TIAM1: variants seen among roughly 807,000 people sequenced by gnomAD.
The protein encoded by TIAM1 is rho guanine nucleotide exchange factor TIAM1.
Under a neutral mutation model 163.5 loss-of-function variants are expected in TIAM1, and 65 were observed. The ratio of observed to expected loss-of-function variants is 0.40; its 90% confidence interval spans 0.33 to 0.49. The LOEUF is 0.49. Ranked by LOEUF, TIAM1 falls within the 20% of genes least tolerant of loss-of-function variation. The pLI is 0.77. For missense variants in TIAM1, 1,789 were observed against 2,044.7 expected, an observed-to-expected ratio of 0.87 and a Z score of 2.41; for synonymous variants, 833 against 810.1, an observed-to-expected ratio of 1.03 and a Z score of -0.48.
intron 4 of TIAM1, among the ~76,000 whole-genome samples, chr21:31,258,875 G>T (rs764519659): frequency 6.6e-6 from 1 of 151,508 alleles, no homozygotes; most frequent in African/African-American, 2.4e-5. Flanking sequence ...CTAGATACTC[G>T]GTCAACTGGT....
chr21:31,532,194 GC>G (rs1225047101), intron 1 of TIAM1, among the ~76,000 whole-genome samples: 4 of 152,174 alleles, frequency 2.6e-5, no homozygotes, highest in Non-Finnish European at 4.4e-5. Context: ...ATTTAATGAT[GC>G]AAGGACTGAC....
rs146443344 is a variant in TIAM1, at chr21:31,241,174, G to T, written c.1584+4314C>A. 2.6e-5 allele frequency among the ~76,000 whole-genome samples: 4 copies of T among 152,208 alleles called. No individual in the cohort carries two copies. In the East Asian group the frequency reaches 7.7e-4, roughly 29 times the overall value. On this transcript the variant is annotated intron_variant, in intron 6 of 27. Coordinates refer to ENST00000541036, the MANE Select transcript of TIAM1 (RefSeq NM_001353694.2). The stretch of plus-strand genomic sequence containing the variant: ...ACCTCTTTTCCTTATAAATTACCCA[G>T]TCTCGGGTATGTCTTTATTAGCGGC...
chr21:31,177,860 C>T (rs948741667), intron 15 of TIAM1, among the ~76,000 whole-genome samples: 1 of 152,184 alleles, frequency 6.6e-6, no homozygotes, highest in Non-Finnish European at 1.5e-5. Flanking sequence ...CCTCCAGCAG[C>T]CAGGTAGCAG....
chr21:31,395,197 C>T lies in TIAM1; in HGVS notation c.-368-55775G>A, dbSNP rs2077042959. On this transcript the variant is annotated intron_variant, in intron 2 of 28. Coordinates refer to the TIAM1 transcript ENST00000286827. This position sits in a 1 kb window ranked among gnomAD's most constrained non-coding sequence, Gnocchi z 7.5. ...AGGTTGCAGTAAGCTGAGATCGCGC[C>T]ACCACACTCCAGCCTGGGCAACAGA... Among the ~76,000 whole-genome samples the T allele has an allele frequency of 6.6e-6, 1 of 151,758 alleles. No individual in the cohort carries two copies. Among genetic ancestry groups the T allele is most frequent in the South Asian group, 2.1e-4 (1 of 4,812 alleles).
chr21:31,456,013 C>A (rs1441417472), intron 2 of TIAM1, among the ~76,000 whole-genome samples: 2 of 152,110 alleles, frequency 1.3e-5, no homozygotes, highest in Non-Finnish European at 2.9e-5. Flanking sequence ...TTCCGGATAT[C>A]AACGGCTATC....
chr21:31,265,673 C>T (rs2072717658), intron 4 of TIAM1, among the ~76,000 whole-genome samples: 1 of 152,168 alleles, frequency 6.6e-6, no homozygotes, highest in African/African-American at 2.4e-5. Context: ...ACGGGAAGGA[C>T]CAAGTTAGAA....
intron 2 of TIAM1, among the ~76,000 whole-genome samples, chr21:31,337,182 C>T (rs2075867708): frequency 6.6e-6 from 1 of 151,998 alleles, no homozygotes; most frequent in South Asian, 2.1e-4. Context: ...CAGAGAAAAC[C>T]AGAAAGTAGG....
chr21:31,438,700 CCCT>C (rs2044310254), intron 2 of TIAM1, among the ~76,000 whole-genome samples: 1 of 152,192 alleles, frequency 6.6e-6, no homozygotes, highest in African/African-American at 2.4e-5. Context: ...TGTTAAGAAA[CCCT>C]CCAAAGGTCA....
At chr21:31,320,069 A>G (rs2075261377) in intron 2 of TIAM1, among the ~76,000 whole-genome samples, 1 of 152,216 alleles carries the variant, frequency 6.6e-6, no homozygotes, top group African/African-American at 2.4e-5. Context: ...AGAGGAATAA[A>G]CAAAACATAT....
intron 1 of TIAM1, among the ~76,000 whole-genome samples, chr21:31,530,840 C>T (rs1220365325): frequency 6.6e-6 from 1 of 152,094 alleles, no homozygotes; most frequent in Non-Finnish European, 1.5e-5. Flanking sequence ...CTTATAATCC[C>T]CAGAATACAG....
chr21:31,134,867 T>C (rs576278545), intron 23 of TIAM1, among the ~76,000 whole-genome samples: 107 of 152,294 alleles, frequency 7.0e-4, no homozygotes, highest in Non-Finnish European at 1.2e-3. Flanking sequence ...TTTGGAAATT[T>C]TGGGAATATT....
chr21:31,478,078 G>T (rs1464283935), intron 1 of TIAM1, among the ~76,000 whole-genome samples: 1 of 152,200 alleles, frequency 6.6e-6, no homozygotes, highest in African/African-American at 2.4e-5. Flanking sequence ...ATGAGGTGAA[G>T]GGAGAACTCG....
chr21:31,157,678 G>A (rs886096671), intron 16 of TIAM1, among the ~76,000 whole-genome samples: 13 of 151,940 alleles, frequency 8.6e-5, no homozygotes, highest in Non-Finnish European at 1.3e-4. Context: ...CCATGTGCGC[G>A]TTTTTGGGCT....
chr21:31,135,875 T>C (rs1038825497), intron 23 of TIAM1, 58 bp downstream of exon 23: 38 of 1,486,350 alleles, frequency 2.6e-5, no homozygotes, highest in Non-Finnish European at 3.6e-5. Context: ...GAAATGTTCT[T>C]GTTTTGAAAA....
At chr21:31,478,022 T>G (rs1232808685) in intron 1 of TIAM1, among the ~76,000 whole-genome samples, 1 of 152,196 alleles carries the variant, frequency 6.6e-6, no homozygotes, top group African/African-American at 2.4e-5. Flanking sequence ...AGGCAGTGCA[T>G]GCGCACAGGT....
At chr21:31,148,178 G>C (rs9980886) in intron 19 of TIAM1, among the ~76,000 whole-genome samples, 2 of 151,766 alleles carry the variant, frequency 1.3e-5, no homozygotes, top group South Asian at 4.2e-4. Flanking sequence ...TACTGCCATC[G>C]GACTCTGTGA....
At chr21:31,438,881 T>C (rs2044317334) in intron 2 of TIAM1, among the ~76,000 whole-genome samples, 1 of 152,102 alleles carries the variant, frequency 6.6e-6, no homozygotes, top group African/African-American at 2.4e-5. Context: ...CAAAACCAAC[T>C]CTAGACATTG....
chr21:31,399,860 T>C (rs2077135136), intron 2 of TIAM1, among the ~76,000 whole-genome samples: 2 of 152,174 alleles, frequency 1.3e-5, no homozygotes, highest in Non-Finnish European at 2.9e-5. Context: ...TTTATTCCCC[T>C]AACTCAAATA....
chr21:31,288,956 C>T (rs2073915441), intron 2 of TIAM1, among the ~76,000 whole-genome samples: 1 of 152,190 alleles, frequency 6.6e-6, no homozygotes, highest in African/African-American at 2.4e-5. Flanking sequence ...AGGAAACCCA[C>T]CATGCTGTTG....
Sources: allele counts gnomAD v4.1 joint callset (sites outside exome capture counted in the v4.1 genomes callset), GRCh38; gene constraint gnomAD v4.1.1; non-coding constraint Gnocchi (gnomAD v3.1); transcripts MANE v1.5; gene names NCBI Gene and HGNC (gene_info 2026-07-23, HGNC 2026-07-21).